Variants in PRICKLE2 observed in about 807,000 individuals in gnomAD.
PRICKLE2 encodes the protein prickle-like protein 2.
A neutral mutation model predicts 81.4 loss-of-function variants in PRICKLE2; 21 were observed. The observed-to-expected ratio is 0.26, with a 90% confidence interval of 0.18 to 0.37. The LOEUF (loss-of-function observed/expected upper bound fraction) is 0.37. Among genes scored for constraint, PRICKLE2 ranks in the 10% least tolerant of loss-of-function variants. The probability of loss-of-function intolerance (pLI) is 1.00; values close to 1 mark genes in which losing one functional copy is unlikely to be tolerated. For missense variants in PRICKLE2, 940 were observed against 1,109.0 expected (o/e 0.85, Z 2.16); for synonymous variants, 456 against 421.5 (o/e 1.08, Z -1.00).
rs751661338 is a variant in PRICKLE2 at position 64,147,033 on chromosome 3, A to G, written c.1457T>C (p.Met486Thr). The change falls in exon 7 of 8, where the codon ATG becomes ACG. Residue 486 changes from methionine to threonine, a missense_variant. Transcript: ENST00000638394. The surrounding 1 kb of genome is among the most constrained non-coding windows in gnomAD (Gnocchi z 5.0). Reference protein sequence around the residue: ...RLRSQESYSDMSSQSFSETRG... With the variant: ...RLRSQESYSDTSSQSFSETRG... The stretch of plus-strand genomic sequence containing the variant: ...GGTCTCACTGAAACTCTGACTAGAC[A>G]TATCACTGTAGCTCTCCTGAGATCT... 5.0e-5 allele frequency: 81 copies of G among 1,613,956 alleles called. No homozygotes were observed. The highest frequency in any genetic ancestry group is 1.6e-4 in the Middle Eastern group (1 of 6,084).
upstream of PRICKLE2, among the ~76,000 whole-genome samples, chr3:64,225,911 T>C (rs919307763): frequency 4.6e-5 from 7 of 151,994 alleles, no homozygotes; most frequent in African/African-American, 1.7e-4. Flanking sequence ...CTCTTCTCTC[T>C]TCAACTTTCA....
At chr3:64,187,413 A>T (rs2078254314) in intron 2 of PRICKLE2, 1 of 152,122 alleles carries the variant, frequency 6.6e-6, no homozygotes, top group South Asian at 2.1e-4. Context: ...CTCCCTTCCC[A>T]ACTCATCTCT....
intron 2 of PRICKLE2, among the ~76,000 whole-genome samples, chr3:64,256,394 C>CA (rs1456214251): frequency 2.0e-5 from 3 of 151,786 alleles, no homozygotes; most frequent in Non-Finnish European, 4.4e-5. Flanking sequence ...TAAATTTTGT[C>CA]AAAAAAAATC....
chr3:64,108,457 A>C (rs1223471973), intron 7 of PRICKLE2, among the ~76,000 whole-genome samples: 1 of 152,152 alleles, frequency 6.6e-6, no homozygotes, highest in African/African-American at 2.4e-5. Context: ...AGTGGAGCTT[A>C]AACGCCACCA....
intron 2 of PRICKLE2, among the ~76,000 whole-genome samples, chr3:64,257,407 A>G (rs1312698951): frequency 6.6e-6 from 1 of 152,168 alleles, no homozygotes; most frequent in Non-Finnish European, 1.5e-5. Context: ...GGACCAGTTC[A>G]GTGGAGGCCT....
intron 2 of PRICKLE2, among the ~76,000 whole-genome samples, chr3:64,255,725 T>C (rs2079515745): frequency 1.3e-5 from 2 of 152,204 alleles, no homozygotes; most frequent in African/African-American, 4.8e-5. Flanking sequence ...AGTTTTCATC[T>C]AAGCACACTC....
chr3:64,178,087 A>G (rs1000756278), intron 2 of PRICKLE2, among the ~76,000 whole-genome samples: 3 of 152,190 alleles, frequency 2.0e-5, no homozygotes, highest in African/African-American at 7.2e-5. Context: ...TAAAATTATA[A>G]CCATCTTAGT....
chr3:64,210,500 T>C (rs1021127496), intron 1 of PRICKLE2, among the ~76,000 whole-genome samples: 19 of 152,118 alleles, frequency 1.2e-4, no homozygotes, highest in Admixed American at 1.2e-3. Flanking sequence ...AAGACCACAC[T>C]GCCTGGTCCT....
chr3:64,205,387 G>C (rs2078668453), intron 1 of PRICKLE2, among the ~76,000 whole-genome samples: 1 of 152,130 alleles, frequency 6.6e-6, no homozygotes, highest in Non-Finnish European at 1.5e-5. Flanking sequence ...CTATCTCCAA[G>C]TAGCTTGGTC....
intron 7 of PRICKLE2, among the ~76,000 whole-genome samples, chr3:64,105,459 C>T (rs1359922017): frequency 6.6e-6 from 1 of 152,154 alleles, no homozygotes; most frequent in Non-Finnish European, 1.5e-5. Flanking sequence ...TCATGTTACC[C>T]ACAGCTTGGA....
chr3:64,185,972 T>G (rs926425720), intron 2 of PRICKLE2, among the ~76,000 whole-genome samples: 8 of 152,218 alleles, frequency 5.3e-5, no homozygotes, highest in African/African-American at 1.9e-4. Context: ...TGATCTGCTT[T>G]CTGTCACTAC....
intron 7 of PRICKLE2, 135 bp from the exon 8 acceptor site, chr3:64,100,060 G>C (rs1360048507): frequency 2.2e-6 from 2 of 926,974 alleles, no homozygotes; most frequent in African/African-American, 3.3e-5. Context: ...CCCTCTCAGG[G>C]GGCACATGTG....
intron 7 of PRICKLE2, among the ~76,000 whole-genome samples, chr3:64,116,901 A>T (rs1013571651): frequency 5.9e-5 from 9 of 152,156 alleles, no homozygotes; most frequent in South Asian, 2.1e-4. Flanking sequence ...AACAACAACA[A>T]AAAGTCAGGC....
intron 2 of PRICKLE2, among the ~76,000 whole-genome samples, chr3:64,250,402 T>C (rs1333987533): frequency 6.6e-6 from 1 of 151,986 alleles, no homozygotes; most frequent in Admixed American, 6.6e-5. Context: ...GTGGGCCAGG[T>C]GGGGAGTTCA....
intron 1 of PRICKLE2, among the ~76,000 whole-genome samples, chr3:64,221,322 T>C (rs1200199926): frequency 6.6e-6 from 1 of 151,296 alleles, no homozygotes; most frequent in Non-Finnish European, 1.5e-5. Context: ...TGCCAAATAA[T>C]AAACTGCTCA....
intron 2 of PRICKLE2, among the ~76,000 whole-genome samples, chr3:64,266,668 T>G (rs905906271): frequency 7.2e-5 from 11 of 152,168 alleles, no homozygotes; most frequent in Middle Eastern, 3.2e-3. Flanking sequence ...CTTCCCCAAG[T>G]GGTATTTGTT....
chr3:64,098,104 A>G lies in PRICKLE2; in HGVS notation c.*947T>C, dbSNP rs1419338746. On this transcript the variant is annotated 3_prime_UTR_variant, in exon 8 of 8. Transcript: ENST00000638394. ...AGCACCAGAACATAATGCCACATTC[A>G]AAACAACGTCATGCTGACATCACAC... 1 of 152,726 alleles carries G rather than the reference A, an allele frequency of 6.5e-6. No homozygotes were observed. Among genetic ancestry groups the G allele is most frequent in the African/African-American group, 2.4e-5 (1 of 41,468 alleles). 9.5% of individuals were successfully genotyped at this position (152,726 alleles called of 1,614,324 possible).
upstream of PRICKLE2, among the ~76,000 whole-genome samples, chr3:64,227,438 C>T (rs1187303027): frequency 6.6e-6 from 1 of 152,216 alleles, no homozygotes; most frequent in East Asian, 1.9e-4. Flanking sequence ...ACTACTCTCT[C>T]ATCTACTCAT....
chr3:64,186,343 T>G (rs948375398), intron 2 of PRICKLE2, among the ~76,000 whole-genome samples: 2 of 152,212 alleles, frequency 1.3e-5, no homozygotes, highest in South Asian at 4.1e-4. Flanking sequence ...GATGAAAGTT[T>G]GGGGAGGTGA....
Sources: gnomAD v4.1 joint callset for allele counts (sites outside exome capture counted in the v4.1 genomes callset) on GRCh38, gnomAD v4.1.1 for gene constraint, Gnocchi (gnomAD v3.1) non-coding constraint, MANE v1.5 for transcripts, NCBI Gene and HGNC (gene_info 2026-07-23, HGNC 2026-07-21) for gene names.